The following SVOPL variants were observed in gnomAD, a reference collection of about 807,000 sequenced individuals.
SVOPL encodes SVOP like.
Under a neutral mutation model 61.0 loss-of-function variants are expected in SVOPL, and 60 were observed. That is an observed-to-expected ratio of 0.98 (90% CI 0.80 to 1.22). The LOEUF (loss-of-function observed/expected upper bound fraction) is 1.22, where lower values mean the gene tolerates loss of function less well. Ranked by LOEUF, SVOPL falls within the 50% of genes most tolerant of loss-of-function variation. SVOPL has a pLI of 0.00. For synonymous variants in SVOPL, 279 were observed against 250.0 expected (o/e 1.12, Z -1.09); for missense variants, 662 against 643.9 (o/e 1.03, Z -0.30).
chr7:138,642,614 C>A (rs1242199405), intron 9 of SVOPL, among the ~76,000 whole-genome samples: 3 of 151,562 alleles, frequency 2.0e-5, no homozygotes, highest in Non-Finnish European at 1.5e-5. Flanking sequence ...ATCTCTTGAG[C>A]TCGGGAGTTC....
At chr7:138,641,814 T>TATATATA (rs1554464905) in intron 9 of SVOPL, among the ~76,000 whole-genome samples, 297 of 120,972 alleles carry the variant, frequency 2.5e-3, no homozygotes, top group African/African-American at 8.6e-3. Flanking sequence ...TATATATATG[T>TATATATA]TATATATATA....
rs114501747 is a variant in SVOPL at position 138,656,367 on chromosome 7, G to C, written c.534+81C>G. 3.3e-3 allele frequency: 4,538 copies of C among 1,387,146 alleles called. 116 individuals are homozygous for C. In the African/African-American group the frequency reaches 0.056, roughly 17 times the overall value. The allele number at this position is 1,387,146 out of a possible 1,614,324, so 85.9% of individuals were successfully genotyped here. On this transcript the variant is annotated intron_variant, in intron 7 of 15. Transcript: ENST00000674285. ...ATTGCAGCGAGCTGGTACCAAACCAGCAGTATTTCCAAGGTATGCCTATAT... is the reference window on the plus strand; with the variant it reads ...ATTGCAGCGAGCTGGTACCAAACCACCAGTATTTCCAAGGTATGCCTATAT...
chr7:138,663,712 A>G (rs1484168594), intron 4 of SVOPL: 3 of 651,736 alleles, frequency 4.6e-6, no homozygotes, highest in African/African-American at 4.0e-5. Context: ...TTTATTTATT[A>G]TAACTTGGCC....
chr7:138,618,165 C>T (rs1007542181), intron 14 of SVOPL, among the ~76,000 whole-genome samples: 4 of 152,114 alleles, frequency 2.6e-5, no homozygotes, highest in Non-Finnish European at 5.9e-5. Context: ...ACAATACTTT[C>T]CAAAGTTAAA....
chr7:138,608,403 G>C (rs771953351), intron 14 of SVOPL, among the ~76,000 whole-genome samples: 3 of 152,136 alleles, frequency 2.0e-5, no homozygotes, highest in Non-Finnish European at 4.4e-5. Flanking sequence ...GCTAGAAATA[G>C]GCCAATTGCG....
At chr7:138,607,835 A>T (rs1034670502) in intron 14 of SVOPL, among the ~76,000 whole-genome samples, 4 of 152,348 alleles carry the variant, frequency 2.6e-5, no homozygotes, top group Middle Eastern at 3.4e-3. Flanking sequence ...GAAATCGCAG[A>T]AGGGCTACAA....
chr7:138,680,571 TTGTG>T (rs60027714), intron 1 of SVOPL, among the ~76,000 whole-genome samples: 1 of 148,010 alleles, frequency 6.8e-6, no homozygotes, highest in Non-Finnish European at 1.5e-5. Flanking sequence ...ACACAGACTT[TTGTG>T]TGTGTGTGTG....
At chr7:138,633,455 C>T (rs1474170695) in intron 9 of SVOPL, among the ~76,000 whole-genome samples, 1 of 152,262 alleles carries the variant, frequency 6.6e-6, no homozygotes. Flanking sequence ...CGCTCCTTCT[C>T]TCACCATGTA....
intron 14 of SVOPL, among the ~76,000 whole-genome samples, chr7:138,612,447 T>TAAAAAAAAAAAAAAAAAAA (rs59229265): frequency 1.8e-4 from 4 of 22,322 alleles, no homozygotes; most frequent in South Asian, 2.4e-3. Flanking sequence ...AAAAAAAAAA[T>TAAAAAAAAAAAAAAAAAAA]AAAAAAAAAA....
chr7:138,682,441 T>A (rs1563137362), intron 1 of SVOPL, among the ~76,000 whole-genome samples: 1 of 152,118 alleles, frequency 6.6e-6, no homozygotes. Context: ...AGCTACCAGC[T>A]TACACAGGAA....
At chr7:138,661,491 G>C (rs367970679) in intron 5 of SVOPL, 1 of 980,266 alleles carries the variant, frequency 1.0e-6, no homozygotes, top group African/African-American at 1.8e-5. Flanking sequence ...TCACATTCCC[G>C]CACCCATGCC....
At chr7:138,623,183 C>T (rs1799745212) in intron 13 of SVOPL, among the ~76,000 whole-genome samples, 2 of 152,140 alleles carry the variant, frequency 1.3e-5, no homozygotes, top group South Asian at 4.1e-4. Context: ...ATAATGAATT[C>T]AGATGATGGC....
rs11440977 is a variant in SVOPL, at chr7:138,619,561, TAAAAAAAAAA to T, written c.1353+1475_1353+1484del. Among the ~76,000 whole-genome samples the T allele has an allele frequency of 7.3e-4, 44 of 60,324 alleles. No homozygotes were observed. The East Asian group carries it at 0.026, about 36-fold the overall frequency. 39.6% of individuals were successfully genotyped at this position (60,324 alleles called of 152,430 possible). A position where few individuals can be genotyped will look rare whatever the true frequency, so the allele number is the denominator to read the frequency against. On this transcript the variant is annotated intron_variant, in intron 14 of 15. Coordinates refer to ENST00000674285, the MANE Select transcript of SVOPL (RefSeq NM_001139456.2). ...GGGATTAGCTTGGTTTCTCAGATGT[TAAAAAAAAAA>T]AAAAAAAAAAAAAAAAAGTGAAAAA... is the stretch of plus-strand genomic sequence containing the variant.
intron 1 of SVOPL, among the ~76,000 whole-genome samples, chr7:138,690,625 G>T (rs1449649557): frequency 6.6e-6 from 1 of 152,154 alleles, no homozygotes. Flanking sequence ...AGTGGTTGCG[G>T]GGGGAGGAGG....
intron 9 of SVOPL, among the ~76,000 whole-genome samples, chr7:138,641,814 T>TTATATATATATA (rs10666134): frequency 0.034 from 4,067 of 120,764 alleles, 106 homozygotes; most frequent in East Asian, 0.1. Flanking sequence ...TATATATATG[T>TTATATATATATA]TATATATATA....
At chr7:138,641,507 C>T (rs1800781062) in intron 9 of SVOPL, among the ~76,000 whole-genome samples, 1 of 151,582 alleles carries the variant, frequency 6.6e-6, no homozygotes, top group Non-Finnish European at 1.5e-5. Flanking sequence ...CCCATCTCTA[C>T]TAAAAACACA....
intron 14 of SVOPL, among the ~76,000 whole-genome samples, chr7:138,620,572 G>A (rs1326051006): frequency 6.6e-6 from 1 of 151,638 alleles, no homozygotes; most frequent in Non-Finnish European, 1.5e-5. Flanking sequence ...TCCATCCACG[G>A]CTCCAAGTCA....
At chr7:138,620,405 G>T (rs1476162107) in intron 14 of SVOPL, among the ~76,000 whole-genome samples, 1 of 137,150 alleles carries the variant, frequency 7.3e-6, no homozygotes, top group Non-Finnish European at 1.5e-5. Context: ...ATAGGCATGA[G>T]CTACCGCACC....
intron 9 of SVOPL, among the ~76,000 whole-genome samples, chr7:138,644,284 G>A (rs1800983327): frequency 6.6e-6 from 1 of 150,450 alleles, no homozygotes; most frequent in Non-Finnish European, 1.5e-5. Flanking sequence ...TAGATATCAG[G>A]TCAAACTACT....
Sources: allele counts gnomAD v4.1 joint callset (sites outside exome capture counted in the v4.1 genomes callset), GRCh38; gene constraint gnomAD v4.1.1; transcripts MANE v1.5; gene names NCBI Gene and HGNC (gene_info 2026-07-23, HGNC 2026-07-21).